RASEF: variants seen among roughly 807,000 people sequenced by gnomAD.
RASEF encodes the protein ras and EF-hand domain-containing protein.
Under a neutral mutation model 90.1 loss-of-function variants are expected in RASEF, and 68 were observed. The observed-to-expected ratio is 0.75, with a 90% CI of 0.62 to 0.92. The LOEUF (loss-of-function observed/expected upper bound fraction) is 0.92. Ranked by LOEUF, RASEF falls within the 40% of genes least tolerant of loss-of-function variation. The pLI, the probability that RASEF is intolerant of heterozygous loss-of-function variation, is 0.00. For synonymous variants in RASEF, 331 were observed against 345.2 expected (o/e 0.96, Z 0.46); for missense variants, 949 against 937.2 (o/e 1.01, Z -0.16).
the RASEF span, among the ~76,000 whole-genome samples, chr9:83,162,167 C>T: frequency 6.6e-6 from 1 of 152,080 alleles, no homozygotes; most frequent in African/African-American, 2.4e-5. Flanking sequence ...TATCTAGGCA[C>T]TAGGTCTCCA....
the RASEF span, among the ~76,000 whole-genome samples, chr9:83,194,934 C>A: frequency 1.3e-5 from 2 of 152,134 alleles, no homozygotes; most frequent in Admixed American, 1.3e-4. Context: ...ATATTCCTTG[C>A]CCCAGCCCTA....
the RASEF span, among the ~76,000 whole-genome samples, chr9:83,111,207 C>T: frequency 5.3e-5 from 8 of 152,128 alleles, no homozygotes; most frequent in Admixed American, 1.3e-4. Context: ...ATAGATTAAA[C>T]GGCAAATTGC....
At chr9:83,020,577 T>A (rs1404162523) in intron 3 of RASEF, among the ~76,000 whole-genome samples, 1 of 152,176 alleles carries the variant, frequency 6.6e-6, no homozygotes, top group Non-Finnish European at 1.5e-5. Context: ...CACATGTATG[T>A]GGTGACTGAC....
At chr9:83,047,974 T>C in intron 1 of RASEF, 2 of 291,328 alleles carry the variant, frequency 6.9e-6, no homozygotes, top group Non-Finnish European at 1.0e-5. Flanking sequence ...CCAGCATCAC[T>C]GTCAACATTT....
the RASEF span, among the ~76,000 whole-genome samples, chr9:83,101,370 A>C: frequency 2.6e-5 from 4 of 152,234 alleles, no homozygotes; most frequent in Middle Eastern, 3.4e-3. Flanking sequence ...AGGACCCTAC[A>C]CTCCTGGTGG....
chr9:83,007,572 C>A lies in RASEF; in HGVS notation c.960-67G>T. 7.4e-6 allele frequency: 8 copies of A among 1,085,692 alleles called. No homozygotes were observed. The South Asian group carries it at 1.0e-4, about 14-fold the overall frequency. 67.3% of individuals were successfully genotyped at this position (1,085,692 alleles called of 1,614,324 possible). On this transcript the variant is annotated intron_variant, in intron 6 of 16. Coordinates refer to ENST00000376447, the MANE Select transcript of RASEF (RefSeq NM_152573.4). ...AAGTCCTGCCTCACGTATACCTACC[C>A]TCCCAGACCCTTTCCCACCTTTTTC...
the RASEF span, among the ~76,000 whole-genome samples, chr9:83,158,667 T>TATATATTTATGTACATATACATATATGC: frequency 6.8e-6 from 1 of 147,816 alleles, no homozygotes; most frequent in Non-Finnish European, 1.5e-5. Flanking sequence ...TACATATATG[T>TATATATTTATGTACATATACATATATGC]ATATATTTAT....
chr9:83,013,651 A>C (rs746384388), intron 4 of RASEF, among the ~76,000 whole-genome samples: 7 of 152,200 alleles, frequency 4.6e-5, no homozygotes, highest in Non-Finnish European at 7.4e-5. Context: ...GAGAAAGCAC[A>C]AACTGTGTAG....
the RASEF span, among the ~76,000 whole-genome samples, chr9:83,071,515 C>T: frequency 6.6e-6 from 1 of 152,134 alleles, no homozygotes; most frequent in Non-Finnish European, 1.5e-5. Flanking sequence ...AAGCCATCCT[C>T]CCACCTCAGC....
the RASEF span, among the ~76,000 whole-genome samples, chr9:83,185,997 C>T: frequency 1.3e-5 from 2 of 152,012 alleles, no homozygotes; most frequent in African/African-American, 4.8e-5. Flanking sequence ...GTGTTAATTC[C>T]TGATTTATCC....
chr9:83,078,726 A>G, the RASEF span, among the ~76,000 whole-genome samples: 3 of 152,084 alleles, frequency 2.0e-5, no homozygotes, highest in African/African-American at 2.4e-5. Flanking sequence ...AGAAGCTGCC[A>G]ATTAACTTAT....
At chr9:83,020,061 T>C (rs1034342127) in intron 3 of RASEF, among the ~76,000 whole-genome samples, 4 of 152,202 alleles carry the variant, frequency 2.6e-5, no homozygotes, top group African/African-American at 9.6e-5. Context: ...TACTGTACTT[T>C]ATATGCAGTT....
the RASEF span, among the ~76,000 whole-genome samples, chr9:83,170,040 C>T: frequency 1.3e-5 from 2 of 151,970 alleles, no homozygotes; most frequent in African/African-American, 2.4e-5. Context: ...ATATTTTCTT[C>T]AAGTAGTTTC....
chr9:83,169,350 TACACACACACACACACACACACACACAC>T, the RASEF span, among the ~76,000 whole-genome samples: 1 of 145,994 alleles, frequency 6.8e-6, no homozygotes, highest in African/African-American at 2.5e-5. Context: ...CTGATTTCCA[TACACACACACACACACACACACACACAC>T]ACACACACAC....
the RASEF span, among the ~76,000 whole-genome samples, chr9:83,076,793 G>A: frequency 0.021 from 3,136 of 152,244 alleles, 87 homozygotes; most frequent in African/African-American, 0.071. Flanking sequence ...ACAGAGCAAA[G>A]TAGGACTACT....
chr9:83,151,931 G>A, the RASEF span, among the ~76,000 whole-genome samples: 1 of 152,156 alleles, frequency 6.6e-6, no homozygotes, highest in Non-Finnish European at 1.5e-5. Flanking sequence ...TGCCAGAGAT[G>A]TAAGAGAAAG....
At chr9:83,119,013 T>C in the RASEF span, among the ~76,000 whole-genome samples, 6 of 151,308 alleles carry the variant, frequency 4.0e-5, no homozygotes, top group Non-Finnish European at 5.9e-5. Flanking sequence ...CTTTTCTTTT[T>C]TTTTTTTTTT....
chr9:83,005,377 T>C, intron 8 of RASEF, 39 bp downstream of exon 8: 1 of 1,431,218 alleles, frequency 7.0e-7, no homozygotes, highest in South Asian at 1.1e-5. Flanking sequence ...ACTCCACCAC[T>C]AGAAAGAATG....
the RASEF span, among the ~76,000 whole-genome samples, chr9:83,119,824 T>C: frequency 1.3e-5 from 2 of 152,220 alleles, no homozygotes; most frequent in Admixed American, 1.3e-4. Flanking sequence ...ATAGTAGCTA[T>C]TTCCTGGTTT....
Sources: gnomAD v4.1 joint callset for allele counts (sites outside exome capture counted in the v4.1 genomes callset) on GRCh38, gnomAD v4.1.1 for gene constraint, MANE v1.5 for transcripts, NCBI Gene and HGNC (gene_info 2026-07-23, HGNC 2026-07-21) for gene names.